PSD3: variants seen among roughly 807,000 people sequenced by gnomAD.
PSD3 encodes the protein PH and SEC7 domain-containing protein 3.
In PSD3, 49 loss-of-function variants were observed where a neutral mutation model predicts 105.5. The ratio of observed to expected loss-of-function variants is 0.46; its 90% CI spans 0.37 to 0.59. PSD3 has a LOEUF of 0.59. PSD3 is among the 20% of genes least tolerant of loss of function. The probability of loss-of-function intolerance (pLI) is 0.00; values close to 1 mark genes in which losing one functional copy is unlikely to be tolerated. For synonymous variants in PSD3, 557 were observed against 457.8 expected (o/e 1.22, Z -2.77); for missense variants, 1,561 against 1,263.8 (o/e 1.24, Z -3.57).
At chr8:18,743,772 A>G (rs1280303920) in intron 9 of PSD3, among the ~76,000 whole-genome samples, 1 of 8,238 alleles carries the variant, frequency 1.2e-4, no homozygotes, top group Non-Finnish European at 3.0e-4. Flanking sequence ...CCCTGTCTCT[A>G]TTAAAAAAAA....
chr8:18,974,027 C>A (rs974352962), intron 1 of PSD3, among the ~76,000 whole-genome samples: 54 of 152,186 alleles, frequency 3.5e-4, no homozygotes, highest in African/African-American at 1.3e-3. Flanking sequence ...AGCTTTTAAC[C>A]ATTGAGTAGC....
At chr8:18,658,495 A>G (rs1387609040) in intron 9 of PSD3, among the ~76,000 whole-genome samples, 2 of 150,966 alleles carry the variant, frequency 1.3e-5, no homozygotes, top group East Asian at 3.9e-4. Context: ...GCTGTTGTAC[A>G]TGAAAATATT....
chr8:18,819,643 A>G (rs989406874), intron 4 of PSD3, among the ~76,000 whole-genome samples: 9 of 131,900 alleles, frequency 6.8e-5, no homozygotes, highest in African/African-American at 2.6e-4. Flanking sequence ...CAGTGGCGCA[A>G]TCTTGGCTCA....
intron 2 of PSD3, among the ~76,000 whole-genome samples, chr8:18,893,687 C>T (rs1395027944): frequency 6.6e-6 from 1 of 151,712 alleles, no homozygotes; most frequent in African/African-American, 2.4e-5. Context: ...TGCTAGAGGG[C>T]AGGGAAGCAG....
intron 1 of PSD3, chr8:19,001,490 A>G (rs950633132): frequency 1.3e-5 from 2 of 151,838 alleles, no homozygotes; most frequent in African/African-American, 4.8e-5. Flanking sequence ...GATCTTATTT[A>G]GACCTTAGTT....
chr8:18,981,756 T>G (rs1825263645), intron 1 of PSD3, among the ~76,000 whole-genome samples: 1 of 152,092 alleles, frequency 6.6e-6, no homozygotes, highest in Non-Finnish European at 1.5e-5. Context: ...ACAATGTCAA[T>G]GTACACATCT....
At chr8:18,883,677 C>T (rs1393015030) in intron 2 of PSD3, among the ~76,000 whole-genome samples, 1 of 152,122 alleles carries the variant, frequency 6.6e-6, no homozygotes, top group Non-Finnish European at 1.5e-5. Context: ...AGAATATTTT[C>T]CCAAGGTTTT....
chr8:18,991,127 A>G (rs1366578131), intron 1 of PSD3, among the ~76,000 whole-genome samples: 1 of 152,166 alleles, frequency 6.6e-6, no homozygotes, highest in Admixed American at 6.5e-5. Flanking sequence ...TCAGTTTTAC[A>G]TAGGGTCTCT....
chr8:18,809,539 G>C (rs977009090), intron 4 of PSD3, among the ~76,000 whole-genome samples: 1 of 152,176 alleles, frequency 6.6e-6, no homozygotes, highest in Non-Finnish European at 1.5e-5. Context: ...ACAGTGTCTA[G>C]TGTAAGTACG....
At chr8:18,959,168 G>T (rs1179702835) in intron 1 of PSD3, among the ~76,000 whole-genome samples, 1 of 152,118 alleles carries the variant, frequency 6.6e-6, no homozygotes, top group Non-Finnish European at 1.5e-5. Context: ...TGACCCGCCC[G>T]ACTCGGCCTC....
chr8:18,790,836 T>C (rs931829765), intron 8 of PSD3, among the ~76,000 whole-genome samples: 2 of 150,000 alleles, frequency 1.3e-5, no homozygotes, highest in South Asian at 2.1e-4. Context: ...GGTAAAAACA[T>C]AGACCAAAAG....
At chr8:19,002,299 T>A (rs1186303424) in intron 1 of PSD3, among the ~76,000 whole-genome samples, 1 of 151,998 alleles carries the variant, frequency 6.6e-6, no homozygotes, top group Non-Finnish European at 1.5e-5. Context: ...GTCTTCCTTG[T>A]GAGTTGCTGG....
intron 9 of PSD3, among the ~76,000 whole-genome samples, chr8:18,666,729 GGT>G (rs146032348): frequency 0.014 from 2,085 of 146,418 alleles, 42 homozygotes; most frequent in East Asian, 0.065. Flanking sequence ...TTTTTTGGGG[GGT>G]GGGGGGAAGT....
chr8:18,788,821 G>C (rs1809429372), intron 8 of PSD3, among the ~76,000 whole-genome samples: 1 of 152,172 alleles, frequency 6.6e-6, no homozygotes, highest in Non-Finnish European at 1.5e-5. Context: ...ATGTGGCTCT[G>C]CTGAAAGCTC....
At chr8:18,936,909 A>T (rs1398826387) in intron 1 of PSD3, among the ~76,000 whole-genome samples, 1 of 152,228 alleles carries the variant, frequency 6.6e-6, no homozygotes, top group African/African-American at 2.4e-5. Context: ...AAAATAGATC[A>T]CATTTTTATA....
At chr8:18,545,447 G>A (rs1011389561) in intron 15 of PSD3, among the ~76,000 whole-genome samples, 1 of 151,806 alleles carries the variant, frequency 6.6e-6, no homozygotes, top group Admixed American at 6.6e-5. Flanking sequence ...TTGATTAATG[G>A]GATTACCGAG....
At chr8:19,008,484 T>C (rs972993581) in intron 1 of PSD3, among the ~76,000 whole-genome samples, 2 of 152,190 alleles carry the variant, frequency 1.3e-5, no homozygotes, top group African/African-American at 4.8e-5. Flanking sequence ...ATCACTCTTA[T>C]ACCTAAATTT....
chr8:18,999,128 CA>C (rs1826235148), intron 1 of PSD3, among the ~76,000 whole-genome samples: 1 of 151,936 alleles, frequency 6.6e-6, no homozygotes, highest in Non-Finnish European at 1.5e-5. Flanking sequence ...GATTTTAGAA[CA>C]AAATGGAAAG....
intron 2 of PSD3, among the ~76,000 whole-genome samples, chr8:18,901,036 T>C (rs1586368792): frequency 6.6e-6 from 1 of 152,222 alleles, no homozygotes; most frequent in Non-Finnish European, 1.5e-5. Context: ...AATGGCACCA[T>C]GTACAGTCTG....
Sources: allele counts gnomAD v4.1 joint callset (sites outside exome capture counted in the v4.1 genomes callset), GRCh38; gene constraint gnomAD v4.1.1; transcripts MANE v1.5; gene names NCBI Gene and HGNC (gene_info 2026-07-23, HGNC 2026-07-21).